PCSK5: variants seen among roughly 807,000 people sequenced by gnomAD.
PCSK5 encodes proprotein convertase subtilisin/kexin type 5.
PCSK5 carries 129 observed loss-of-function variants against 233.2 expected under a neutral mutation model. The observed-to-expected ratio is 0.55, with a 90% CI of 0.48 to 0.64. The LOEUF is 0.64. Ranked by LOEUF, PCSK5 falls within the 30% of genes least tolerant of loss-of-function variation. The pLI, the probability that PCSK5 is intolerant of heterozygous loss-of-function variation, is 0.00. For missense variants in PCSK5, 2,076 were observed against 2,430.1 expected (o/e 0.85, Z 3.06); for synonymous variants, 825 against 879.2 (o/e 0.94, Z 1.09).
At chr9:75,949,520 T>A (rs149326879) in intron 2 of PCSK5, among the ~76,000 whole-genome samples, 1 of 152,144 alleles carries the variant, frequency 6.6e-6, no homozygotes, top group Non-Finnish European at 1.5e-5. Flanking sequence ...TATTTATTTA[T>A]TAAATTTATT....
At position 76,279,687 on chromosome 9, in the gene PCSK5, G is replaced by GC. The variant is rs979359176; in HGVS notation, c.3143-12546_3143-12545insC. ...AGTGATGATGAGCATTTTTTCACAT[G>GC]TTTTTTGGCTGCATAAATGTCTTCT... On this transcript the variant is annotated intron_variant, in intron 24 of 37. Transcript: ENST00000674117. Among the ~76,000 whole-genome samples the GC allele has an allele frequency of 4.4e-3, 666 of 151,510 alleles. 5 individuals are homozygous for GC. The highest frequency in any genetic ancestry group is 0.015 in the African/African-American group (623 of 41,450).
Position 76,188,696 on chromosome 9 carries a change from G to C in PCSK5, c.2380+21G>C, listed in dbSNP as rs367888102. On this transcript the variant is annotated intron_variant, in intron 18 of 37. Coordinates refer to ENST00000674117, the MANE Select transcript of PCSK5 (RefSeq NM_001372043.1). ...TGCTGGTACCTTCCCTAGTTCTTTT[G>C]TTTATTCTCCCGGTTCTGGTTTTGC... 524 of 1,574,780 alleles carry C rather than the reference G, an allele frequency of 3.3e-4. 3 individuals are homozygous for C. Among genetic ancestry groups the C allele is most frequent in the Non-Finnish European group, 6.7e-5 (77 of 1,145,200 alleles).
intron 8 of PCSK5, among the ~76,000 whole-genome samples, chr9:76,098,530 C>T (rs977885680): frequency 2.6e-5 from 4 of 152,188 alleles, no homozygotes; most frequent in East Asian, 1.9e-4. Flanking sequence ...AGTCCTGCAT[C>T]GTGAAATTCC....
At chr9:76,169,550 T>C (rs1823238314) in intron 12 of PCSK5, among the ~76,000 whole-genome samples, 154 bp from the exon 13 acceptor site, 1 of 152,092 alleles carries the variant, frequency 6.6e-6, no homozygotes, top group African/African-American at 2.4e-5. Context: ...TGTATATATA[T>C]ATATCTGCAA....
At chr9:75,918,298 A>G (rs1021484064) in intron 1 of PCSK5, among the ~76,000 whole-genome samples, 5 of 152,328 alleles carry the variant, frequency 3.3e-5, no homozygotes, top group Non-Finnish European at 1.5e-5. Context: ...ATGTTGCTTC[A>G]TCAACACTCT....
chr9:76,352,903 G>C (rs2131526754), intron 36 of PCSK5, among the ~76,000 whole-genome samples: 1 of 150,214 alleles, frequency 6.7e-6, no homozygotes, highest in African/African-American at 2.5e-5. Flanking sequence ...AAAAAAAATA[G>C]CTGGACATGG....
chr9:76,350,426 C>G (rs1204570203), intron 35 of PCSK5, among the ~76,000 whole-genome samples: 1 of 152,206 alleles, frequency 6.6e-6, no homozygotes, highest in African/African-American at 2.4e-5. Context: ...AGTGCCGTTT[C>G]TCAGTTAGAA....
chr9:76,005,010 C>T (rs1206669137), intron 3 of PCSK5, among the ~76,000 whole-genome samples: 2 of 152,210 alleles, frequency 1.3e-5, no homozygotes, highest in Non-Finnish European at 2.9e-5. Context: ...AGTGGTACCT[C>T]CAAATGCAAT....
chr9:76,073,768 A>G (rs1323879403), intron 7 of PCSK5, among the ~76,000 whole-genome samples: 1 of 152,188 alleles, frequency 6.6e-6, no homozygotes, highest in African/African-American at 2.4e-5. Context: ...GGTTTTACTA[A>G]CAGACTAGTA....
chr9:76,033,114 C>T (rs555408215), intron 5 of PCSK5, among the ~76,000 whole-genome samples: 48 of 152,268 alleles, frequency 3.2e-4, no homozygotes, highest in Admixed American at 2.8e-3. Flanking sequence ...TTGCAGAAAC[C>T]AAAATGTGTC....
At chr9:76,062,921 A>G (rs1472226681) in intron 5 of PCSK5, among the ~76,000 whole-genome samples, 1 of 152,044 alleles carries the variant, frequency 6.6e-6, no homozygotes, top group African/African-American at 2.4e-5. Context: ...GTATTTTTGT[A>G]CCTATTACCC....
intron 3 of PCSK5, among the ~76,000 whole-genome samples, chr9:76,008,281 A>G (rs988157340): frequency 1.9e-4 from 29 of 151,976 alleles, no homozygotes; most frequent in Middle Eastern, 3.4e-3. Context: ...TTTCCTACTT[A>G]TGATATAAAT....
At chr9:75,907,116 T>A (rs1239614608) in intron 1 of PCSK5, among the ~76,000 whole-genome samples, 1 of 152,220 alleles carries the variant, frequency 6.6e-6, no homozygotes, top group African/African-American at 2.4e-5. Context: ...AAAATTGCTC[T>A]GATTTTTAAC....
intron 2 of PCSK5, among the ~76,000 whole-genome samples, chr9:75,946,914 T>G (rs1217766471): frequency 6.6e-6 from 1 of 152,200 alleles, no homozygotes; most frequent in South Asian, 2.1e-4. Flanking sequence ...CTTAGCACTT[T>G]GAGCTCTTCC....
intron 1 of PCSK5, among the ~76,000 whole-genome samples, chr9:75,893,588 C>G (rs147665068): frequency 6.6e-6 from 1 of 152,080 alleles, no homozygotes; most frequent in Non-Finnish European, 1.5e-5. Flanking sequence ...TCTGGCATAG[C>G]GAGATGGGAG....
At chr9:76,090,678 A>G (rs1181451696) in intron 7 of PCSK5, among the ~76,000 whole-genome samples, 3 of 152,274 alleles carry the variant, frequency 2.0e-5, no homozygotes, top group African/African-American at 7.2e-5. Flanking sequence ...GCGGTTCTCA[A>G]CTTTTTTGGT....
At chr9:76,357,067 C>T (rs191120338) in intron 37 of PCSK5, among the ~76,000 whole-genome samples, 1 of 152,134 alleles carries the variant, frequency 6.6e-6, no homozygotes, top group Non-Finnish European at 1.5e-5. Flanking sequence ...CCAAATCATA[C>T]CACCTGGAAA....
At chr9:75,985,209 T>G (rs1035636607) in intron 2 of PCSK5, among the ~76,000 whole-genome samples, 1 of 152,222 alleles carries the variant, frequency 6.6e-6, no homozygotes, top group African/African-American at 2.4e-5. Context: ...CTTATTTTTG[T>G]GTTGCCGTAA....
chr9:76,235,721 C>A (rs1300924222), intron 22 of PCSK5, among the ~76,000 whole-genome samples: 4 of 152,186 alleles, frequency 2.6e-5, no homozygotes, highest in African/African-American at 7.2e-5. Flanking sequence ...AGAGAAGCAG[C>A]ATCACTTCCA....
Sources: gnomAD v4.1 joint callset for allele counts (sites outside exome capture counted in the v4.1 genomes callset) on GRCh38, gnomAD v4.1.1 for gene constraint, MANE v1.5 for transcripts, NCBI Gene and HGNC (gene_info 2026-07-23, HGNC 2026-07-21) for gene names.